Variants in PCDH7 observed in about 807,000 individuals in gnomAD.
The protein encoded by PCDH7 is protocadherin 7, also known as protocadherin-7.
Under a neutral mutation model 58.9 loss-of-function variants are expected in PCDH7, and 17 were observed. The ratio of observed to expected loss-of-function variants is 0.29; its 90% CI spans 0.20 to 0.43. The LOEUF (loss-of-function observed/expected upper bound fraction) is 0.43, where lower values mean the gene tolerates loss of function less well. PCDH7 is among the 20% of genes least tolerant of loss of function. The pLI, the probability that PCDH7 is intolerant of heterozygous loss-of-function variation, is 1.00. For missense variants in PCDH7, 1,274 were observed against 1,441.0 expected (o/e 0.88, Z 1.88); for synonymous variants, 664 against 616.4 (o/e 1.08, Z -1.14).
intron 1 of PCDH7, among the ~76,000 whole-genome samples, chr4:30,760,807 C>T (rs1008808597): frequency 6.6e-6 from 1 of 152,176 alleles, no homozygotes; most frequent in African/African-American, 2.4e-5. Flanking sequence ...TTTGACTTCT[C>T]TCCCCTCCTT....
intron 1 of PCDH7, among the ~76,000 whole-genome samples, chr4:30,897,666 T>C (rs900543177): frequency 5.9e-5 from 9 of 152,220 alleles, no homozygotes; most frequent in Non-Finnish European, 1.3e-4. Flanking sequence ...TGAATAATTC[T>C]ATTATTGATG....
chr4:30,950,427 G>T (rs1043601838), intron 3 of PCDH7, among the ~76,000 whole-genome samples: 1 of 152,144 alleles, frequency 6.6e-6, no homozygotes, highest in African/African-American at 2.4e-5. Flanking sequence ...GAGTTTAGAA[G>T]AATTAATGAT....
intron 3 of PCDH7, among the ~76,000 whole-genome samples, chr4:31,012,306 AT>A (rs1473672643): frequency 2.6e-5 from 4 of 152,108 alleles, no homozygotes; most frequent in African/African-American, 9.7e-5. Flanking sequence ...TATTCGTTTT[AT>A]TTTTCTAATT....
At chr4:30,774,190 A>G (rs139895851) in intron 1 of PCDH7, among the ~76,000 whole-genome samples, 70 of 152,212 alleles carry the variant, frequency 4.6e-4, no homozygotes, top group African/African-American at 1.6e-3. Flanking sequence ...AGGAGGGTGT[A>G]TATACCTACA....
intron 2 of PCDH7, among the ~76,000 whole-genome samples, chr4:30,942,184 C>T (rs1310664399): frequency 6.6e-6 from 1 of 151,768 alleles, no homozygotes; most frequent in Non-Finnish European, 1.5e-5. Context: ...AATGAATATT[C>T]GAATCAAGGA....
At chr4:30,812,405 C>T (rs1372330069) in intron 1 of PCDH7, among the ~76,000 whole-genome samples, 2 of 152,082 alleles carry the variant, frequency 1.3e-5, no homozygotes, top group African/African-American at 4.8e-5. Flanking sequence ...ATTTTGACCC[C>T]CAGAAATTAA....
chr4:30,879,637 G>T (rs1177699227), intron 1 of PCDH7, among the ~76,000 whole-genome samples: 1 of 151,996 alleles, frequency 6.6e-6, no homozygotes, highest in Non-Finnish European at 1.5e-5. Flanking sequence ...CCTGACCACT[G>T]AACAATAAAG....
intron 1 of PCDH7, among the ~76,000 whole-genome samples, chr4:30,758,362 T>C (rs1233261432): frequency 9.9e-5 from 15 of 152,122 alleles, no homozygotes; most frequent in Admixed American, 9.8e-4. Context: ...GAGAAGAGGT[T>C]ATGTTGTGCA....
intron 3 of PCDH7, among the ~76,000 whole-genome samples, chr4:31,130,096 A>C (rs371083130): frequency 5.3e-5 from 8 of 152,162 alleles, no homozygotes; most frequent in South Asian, 2.1e-4. Flanking sequence ...GGTACCTGAC[A>C]CTGCTTCTTA....
At chr4:31,100,302 G>A (rs1038120541) in intron 3 of PCDH7, among the ~76,000 whole-genome samples, 5 of 152,170 alleles carry the variant, frequency 3.3e-5, no homozygotes, top group African/African-American at 1.2e-4. Context: ...GAGAAAACCA[G>A]TGAGAGATTA....
At chr4:30,750,300 G>A (rs80219857) in intron 1 of PCDH7, among the ~76,000 whole-genome samples, 3,675 of 152,154 alleles carry the variant, frequency 0.024, 216 homozygotes, top group East Asian at 0.22. Context: ...TTTTAGTATG[G>A]GCTAGCAATT....
intron 3 of PCDH7, among the ~76,000 whole-genome samples, chr4:30,970,609 A>T (rs145503031): frequency 6.6e-6 from 1 of 152,166 alleles, no homozygotes. Flanking sequence ...TACCTTTTAA[A>T]TATCAGACAC....
Position 30,722,536 on chromosome 4 carries a change from C to G in PCDH7, c.1114C>G (p.Arg372Gly), listed in dbSNP as rs568848529. The stretch of plus-strand genomic sequence containing the variant: ...GTCCGGCTGGCTCAGCGTCCTGCAC[C>G]GGATCGACCGCGAGGAGGTGAACCA... Residue 372 changes from arginine to glycine, a missense_variant, in exon 1 of 2, where the codon CGG becomes GGG. Physicochemically the swap from Arg to Gly is moderately radical, Grantham distance 125 (BLOSUM62 -2). Around this residue, in one of 3 missense-constraint regions of PCDH7, gnomAD observed 331 missense variants for 303.2 expected, o/e 1.09. Transcript: ENST00000361762. This position sits in a 1 kb window ranked among gnomAD's most constrained non-coding sequence, Gnocchi z 7.6. 1.9e-6 allele frequency: 3 copies of G among 1,612,080 alleles called. 1 individual carries two copies. The highest frequency in any genetic ancestry group is 2.2e-5 in the South Asian group (2 of 91,008).
At chr4:31,111,027 G>A (rs1396290383) in intron 3 of PCDH7, among the ~76,000 whole-genome samples, 1 of 151,794 alleles carries the variant, frequency 6.6e-6, no homozygotes, top group Non-Finnish European at 1.5e-5. Flanking sequence ...AAATTTAACA[G>A]AATTCCATAT....
intron 3 of PCDH7, among the ~76,000 whole-genome samples, chr4:30,997,182 A>G (rs191963220): frequency 1.3e-5 from 2 of 152,120 alleles, no homozygotes; most frequent in Non-Finnish European, 2.9e-5. Context: ...AAAGAGCGAT[A>G]TAATAAAGTG....
At chr4:30,893,076 AG>A (rs1372140965) in intron 1 of PCDH7, among the ~76,000 whole-genome samples, 1 of 152,058 alleles carries the variant, frequency 6.6e-6, no homozygotes, top group African/African-American at 2.4e-5. Flanking sequence ...GAAGTATTGT[AG>A]GGTCATTTTT....
intron 1 of PCDH7, among the ~76,000 whole-genome samples, chr4:30,758,588 T>TA (rs1419732260): frequency 6.6e-5 from 10 of 152,132 alleles, no homozygotes; most frequent in Non-Finnish European, 1.2e-4. Flanking sequence ...TTCACAAAGA[T>TA]AAAAACCACA....
chr4:30,964,895 A>G (rs1205627401), intron 3 of PCDH7, among the ~76,000 whole-genome samples: 9 of 152,124 alleles, frequency 5.9e-5, no homozygotes, highest in Non-Finnish European at 1.3e-4. Context: ...TTTCTATTCC[A>G]TTGACTAAGA....
chr4:30,957,108 A>G (rs1747943648), intron 3 of PCDH7, among the ~76,000 whole-genome samples: 1 of 152,160 alleles, frequency 6.6e-6, no homozygotes, highest in African/African-American at 2.4e-5. Flanking sequence ...CCACCATCTC[A>G]TGGCTCTGGT....
Sources: gnomAD v4.1 joint callset for allele counts (sites outside exome capture counted in the v4.1 genomes callset) on GRCh38, gnomAD v4.1.1 for gene constraint, gnomAD v4.1.1 regional missense constraint, Gnocchi (gnomAD v3.1) non-coding constraint, MANE v1.5 for transcripts, NCBI Gene and HGNC (gene_info 2026-07-23, HGNC 2026-07-21) for gene names.